GRB10: variants seen among roughly 807,000 people sequenced by gnomAD.
GRB10 encodes growth factor receptor bound protein 10.
A neutral mutation model predicts 80.9 loss-of-function variants in GRB10; 20 were observed. The observed-to-expected ratio is 0.25, with a 90% CI of 0.17 to 0.36. GRB10 has a LOEUF of 0.36. GRB10 is among the 10% of genes least tolerant of loss of function. The pLI is 1.00. For synonymous variants in GRB10, 291 were observed against 291.5 expected (o/e 1.00, Z 0.02); for missense variants, 548 against 747.7 (o/e 0.73, Z 3.12).
At chr7:50,793,237 C>T (rs2079011915) in exon 1 of GRB10, 1 of 146,232 alleles carries the variant, frequency 6.8e-6, no homozygotes, top group Non-Finnish European at 1.5e-5. Context: ...CCGCGCGCGG[C>T]TCCCCGCCGC....
intron 3 of GRB10, among the ~76,000 whole-genome samples, chr7:50,745,988 C>G (rs1489155344): frequency 1.3e-5 from 2 of 152,208 alleles, no homozygotes; most frequent in Non-Finnish European, 2.9e-5. Flanking sequence ...GGGATTTGCT[C>G]TCTTCCCAAT....
At chr7:50,608,781 A>G (rs1055792029) in intron 13 of GRB10, among the ~76,000 whole-genome samples, 4 of 152,198 alleles carry the variant, frequency 2.6e-5, no homozygotes, top group African/African-American at 9.6e-5. Context: ...CCTAGGCAAC[A>G]TGGCAAAACC....
intron 4 of GRB10, among the ~76,000 whole-genome samples, chr7:50,713,426 AC>A (rs993992816): frequency 7.0e-6 from 1 of 142,984 alleles, no homozygotes; most frequent in African/African-American, 2.6e-5. Context: ...CTCCTCTACC[AC>A]CCCCACCATC....
intron 8 of GRB10, among the ~76,000 whole-genome samples, chr7:50,622,297 C>A (rs1201666696): frequency 6.6e-6 from 1 of 152,128 alleles, no homozygotes; most frequent in African/African-American, 2.4e-5. Context: ...CTGCAAAAGG[C>A]CCCCTCTAAT....
Position 50,590,180 on chromosome 7 carries a change from T to C in GRB10, c.*2772A>G, listed in dbSNP as rs2045697585. Reference sequence around the variant, plus strand: ...ATTAGGTTCACGAGCCAAAGAGCTATGTACAGAATGAAGCAAAGCACATGG... The same window carrying C: ...ATTAGGTTCACGAGCCAAAGAGCTACGTACAGAATGAAGCAAAGCACATGG... On this transcript the variant is annotated 3_prime_UTR_variant, in exon 19 of 19. Transcript: ENST00000401949. 1.3e-5 allele frequency: 2 copies of C among 152,246 alleles called. No homozygotes were observed. The highest frequency in any genetic ancestry group is 1.9e-4 in the East Asian group (1 of 5,202). 9.4% of individuals were successfully genotyped at this position (152,246 alleles called of 1,614,324 possible).
At chr7:50,716,772 G>C (rs1197895217) in intron 4 of GRB10, among the ~76,000 whole-genome samples, 2 of 152,226 alleles carry the variant, frequency 1.3e-5, no homozygotes, top group Non-Finnish European at 2.9e-5. Context: ...GACACACTGT[G>C]AGGCTCCCTC....
At chr7:50,702,944 C>T (rs9649760) in intron 5 of GRB10, among the ~76,000 whole-genome samples, 8,688 of 152,278 alleles carry the variant, frequency 0.057, 325 homozygotes, top group Middle Eastern at 0.13. Context: ...TGTGAGCATA[C>T]AACGTAACAC....
chr7:50,773,223 C>A (rs2153710033), intron 2 of GRB10, among the ~76,000 whole-genome samples: 1 of 151,990 alleles, frequency 6.6e-6, no homozygotes, highest in South Asian at 2.1e-4. Flanking sequence ...CAATTACCTC[C>A]CACCAGGTCC....
intron 7 of GRB10, among the ~76,000 whole-genome samples, chr7:50,669,103 G>A (rs1417892596): frequency 1.3e-5 from 2 of 152,230 alleles, no homozygotes; most frequent in Non-Finnish European, 2.9e-5. Flanking sequence ...TATTGAGCCA[G>A]TGGTGAAACT....
chr7:50,626,732 G>A (rs2074778), intron 8 of GRB10, 90 bp downstream of exon 8: 474,231 of 1,438,716 alleles, frequency 0.33, 80,942 homozygotes, highest in African/African-American at 0.54. Context: ...GGGACACTGC[G>A]GTCACACATT....
At chr7:50,680,304 A>G (rs375065393) in intron 5 of GRB10, among the ~76,000 whole-genome samples, 2 of 152,240 alleles carry the variant, frequency 1.3e-5, no homozygotes, top group South Asian at 4.1e-4. Context: ...TTCAGTGTTT[A>G]TAAGAGAAAC....
At chr7:50,647,697 C>T (rs963372093) in intron 7 of GRB10, among the ~76,000 whole-genome samples, 5 of 152,198 alleles carry the variant, frequency 3.3e-5, no homozygotes, top group African/African-American at 9.6e-5. Context: ...GACTGTGATG[C>T]TCCCTCCCAG....
At position 50,661,263 on chromosome 7, in the gene GRB10, T is replaced by C. The variant is rs1053815163; in HGVS notation, c.504+8459A>G. ...CTAATTTTGATCATTAGTAAATAAT[T>C]GTATGCACAAACCCTTATCCAAAGT... On this transcript the variant is annotated intron_variant, in intron 7 of 18. Coordinates refer to ENST00000401949, the MANE Select transcript of GRB10 (RefSeq NM_001350814.2). Among the ~76,000 whole-genome samples, 8 of 152,332 alleles carry C rather than the reference T, an allele frequency of 5.3e-5. No individual in the cohort carries two copies. The East Asian group carries it at 1.4e-3, about 26-fold the overall frequency.
intron 7 of GRB10, among the ~76,000 whole-genome samples, chr7:50,633,730 G>T (rs1327583166): frequency 9.7e-6 from 1 of 102,996 alleles, no homozygotes; most frequent in African/African-American, 3.5e-5. Flanking sequence ...ACAACTTTTG[G>T]AAATGAAAAG....
intron 4 of GRB10, among the ~76,000 whole-genome samples, chr7:50,713,536 T>G (rs2066256480): frequency 7.7e-6 from 1 of 130,538 alleles, no homozygotes; most frequent in African/African-American, 2.9e-5. Context: ...CTCCACCTCC[T>G]CTGCTACCTC....
chr7:50,726,455 A>G (rs541366383), intron 4 of GRB10, among the ~76,000 whole-genome samples: 3 of 152,190 alleles, frequency 2.0e-5, no homozygotes, highest in Non-Finnish European at 4.4e-5. Flanking sequence ...ATAGTTGTTT[A>G]TATTATTCAA....
In GRB10 at chr7:50,590,790, T is replaced by A. The variant is rs1047276194; in HGVS notation, c.*2162A>T. 2 of 152,394 alleles carry A rather than the reference T, an allele frequency of 1.3e-5. No homozygotes were observed. Among genetic ancestry groups the A allele is most frequent in the African/African-American group, 4.8e-5 (2 of 41,448 alleles). The allele number at this position is 152,394 out of a possible 1,614,324, so 9.4% of individuals were successfully genotyped here. On this transcript the variant is annotated 3_prime_UTR_variant, in exon 19 of 19. Transcript: ENST00000401949. ...GGAGGCGGTTTACATTCTCCAACAATTCACTTCGGCAGGGAAAATACAAAA... is the reference window on the plus strand; with the variant it reads ...GGAGGCGGTTTACATTCTCCAACAAATCACTTCGGCAGGGAAAATACAAAA...
At chr7:50,688,335 G>A (rs998159880) in intron 5 of GRB10, among the ~76,000 whole-genome samples, 1 of 152,232 alleles carries the variant, frequency 6.6e-6, no homozygotes, top group Non-Finnish European at 1.5e-5. Context: ...AGTGAAGTAT[G>A]ACAGGTCTGG....
Position 50,592,876 on chromosome 7 carries a change from T to C in GRB10, c.*76A>G, listed in dbSNP as rs1331402236. 3.9e-6 allele frequency: 6 copies of C among 1,528,468 alleles called. No individual in the cohort carries two copies. The highest frequency in any genetic ancestry group is 5.4e-6 in the Non-Finnish European group (6 of 1,103,594). The allele number at this position is 1,528,468 out of a possible 1,614,324, so 94.7% of individuals were successfully genotyped here. A position where few individuals can be genotyped will look rare whatever the true frequency, so the allele number is the denominator to read the frequency against. On this transcript the variant is annotated 3_prime_UTR_variant, in exon 19 of 19. Transcript: ENST00000401949. ...CCCCAGGTGCAGAATCGATGTGTGT[T>C]CTTCACCAACGCACAGACCGCTTCT...
Sources: allele counts gnomAD v4.1 joint callset (sites outside exome capture counted in the v4.1 genomes callset), GRCh38; gene constraint gnomAD v4.1.1; transcripts MANE v1.5; gene names NCBI Gene and HGNC (gene_info 2026-07-23, HGNC 2026-07-21).